DYNC1LI2: variants seen among roughly 807,000 people sequenced by gnomAD.
DYNC1LI2 encodes dynein cytoplasmic 1 light intermediate chain 2.
Under a neutral mutation model 57.8 loss-of-function variants are expected in DYNC1LI2, and 19 were observed. That is an observed-to-expected ratio of 0.33 (90% CI 0.23 to 0.48). The LOEUF (loss-of-function observed/expected upper bound fraction) is 0.48. Among genes scored for constraint, DYNC1LI2 ranks in the 20% least tolerant of loss-of-function variants. The pLI, the probability that DYNC1LI2 is intolerant of heterozygous loss-of-function variation, is 0.99. For missense variants in DYNC1LI2, 470 were observed against 604.2 expected (o/e 0.78, Z 2.33); for synonymous variants, 256 against 233.4 (o/e 1.10, Z -0.88).
intron 5 of DYNC1LI2, 140 bp downstream of exon 5, chr16:66,735,935 G>T: frequency 8.9e-7 from 1 of 1,121,104 alleles, no homozygotes; most frequent in South Asian, 1.8e-5. Flanking sequence ...TTTCTGTCTT[G>T]ACATATTCAA....
intron 6 of DYNC1LI2, 105 bp from the exon 7 acceptor site, chr16:66,732,579 A>C: frequency 1.6e-6 from 2 of 1,260,754 alleles, no homozygotes; most frequent in Non-Finnish European, 2.1e-6. Context: ...TTTGATCAAT[A>C]TATGAGCAAC....
intron 12 of DYNC1LI2, among the ~76,000 whole-genome samples, chr16:66,725,471 C>T (rs2017521462): frequency 6.6e-6 from 1 of 152,094 alleles, no homozygotes; most frequent in South Asian, 2.1e-4. Context: ...AGCAAAACTC[C>T]ACCTTGGAAA....
chr16:66,729,311 A>G (rs1257224574), intron 8 of DYNC1LI2, among the ~76,000 whole-genome samples: 1 of 152,190 alleles, frequency 6.6e-6, no homozygotes, highest in Non-Finnish European at 1.5e-5. Context: ...TAAGTCTGGC[A>G]GGTTCTAAAC....
At position 66,742,445 on chromosome 16, in the gene DYNC1LI2, T is replaced by C. The variant is rs1406900403; in HGVS notation, c.522A>G (p.Glu174=). ...AAATTATATTTTACTCACACTTCCG[T>C]TCCAGCTCCCTCATTTTTTCTGGTG... ...KIPPEKMREL[E]RKFVKDFQDY... The change falls in exon 4 of 13, where the codon GAA becomes GAG. Residue 174 remains glutamate (E), a synonymous_variant. Coordinates refer to ENST00000258198, the MANE Select transcript of DYNC1LI2 (RefSeq NM_006141.3). 5.0e-6 allele frequency: 8 copies of C among 1,613,706 alleles called. No homozygotes were observed. Among genetic ancestry groups the C allele is most frequent in the Middle Eastern group, 1.6e-4 (1 of 6,062 alleles).
Position 66,721,978 on chromosome 16 carries a change from C to T in DYNC1LI2, c.*1744G>A, listed in dbSNP as rs1488755172. On this transcript the variant is annotated 3_prime_UTR_variant, in exon 13 of 13. Transcript: ENST00000258198. ...TTCTACAGTCAGTTTACTGTCATTACCTAGACAACCTGGTAACTGGAAGCC... is the reference window on the plus strand; with the variant it reads ...TTCTACAGTCAGTTTACTGTCATTATCTAGACAACCTGGTAACTGGAAGCC... 6.6e-6 allele frequency: 1 copy of T among 152,334 alleles called. No individual in the cohort carries two copies. The highest frequency in any genetic ancestry group is 1.5e-5 in the Non-Finnish European group (1 of 68,038). 9.4% of individuals were successfully genotyped at this position (152,334 alleles called of 1,614,324 possible).
At chr16:66,745,882 T>G (rs891068598) in intron 3 of DYNC1LI2, among the ~76,000 whole-genome samples, 2 of 151,686 alleles carry the variant, frequency 1.3e-5, no homozygotes, top group East Asian at 3.9e-4. Flanking sequence ...CCAGCCTGGA[T>G]GACAGAGCCA....
intron 7 of DYNC1LI2, 58 bp from the exon 8 acceptor site, chr16:66,730,281 T>C (rs1440539450): frequency 4.1e-6 from 6 of 1,447,482 alleles, no homozygotes; most frequent in Non-Finnish European, 4.8e-6. Flanking sequence ...TAGAGCATAC[T>C]CAGATCACAT....
chr16:66,744,955 C>G (rs1304995367), intron 3 of DYNC1LI2, among the ~76,000 whole-genome samples: 1 of 152,048 alleles, frequency 6.6e-6, no homozygotes, highest in Non-Finnish European at 1.5e-5. Flanking sequence ...CTCTGTCACC[C>G]AGGTTGGAAT....
At chr16:66,732,591 GA>G (rs1449540315) in intron 6 of DYNC1LI2, 117 bp from the exon 7 acceptor site, 17 of 1,128,204 alleles carry the variant, frequency 1.5e-5, no homozygotes, top group Non-Finnish European at 1.9e-5. Flanking sequence ...ATGAGCAACA[GA>G]AAGCATTACA....
chr16:66,728,733 T>C (rs930787419), intron 9 of DYNC1LI2, among the ~76,000 whole-genome samples: 5 of 152,232 alleles, frequency 3.3e-5, no homozygotes, highest in African/African-American at 7.2e-5. Flanking sequence ...GTCAGGTTAC[T>C]TGGTTAACTG....
At chr16:66,737,109 CT>C (rs1226889236) in intron 4 of DYNC1LI2, among the ~76,000 whole-genome samples, 6 of 152,030 alleles carry the variant, frequency 3.9e-5, no homozygotes, top group African/African-American at 1.4e-4. Context: ...CCCATCTGTA[CT>C]AAAAATGCAA....
chr16:66,727,589 T>C, intron 11 of DYNC1LI2, 99 bp downstream of exon 11: 1 of 1,121,196 alleles, frequency 8.9e-7, no homozygotes, highest in Non-Finnish European at 1.3e-6. Context: ...CTGGCTTCCA[T>C]GAGTCTCCAC....
chr16:66,751,261 G>A lies in DYNC1LI2; in HGVS notation c.181+12C>T, dbSNP rs986869186. 3 of 1,609,594 alleles carry A rather than the reference G, an allele frequency of 1.9e-6. No homozygotes were observed. The highest frequency in any genetic ancestry group is 2.7e-5 in the African/African-American group (2 of 74,392). ...CAGCGACCTGGGGCAACGCCCCGCCGCCGGCGCTCACCGAAGACCAGGATG... is the reference window on the plus strand; with the variant it reads ...CAGCGACCTGGGGCAACGCCCCGCCACCGGCGCTCACCGAAGACCAGGATG... On this transcript the variant is annotated intron_variant, in intron 2 of 12. Coordinates refer to ENST00000258198, the MANE Select transcript of DYNC1LI2 (RefSeq NM_006141.3). The surrounding 1 kb of genome is among the most constrained non-coding windows in gnomAD (Gnocchi z 5.2).
chr16:66,731,794 A>C (rs1252581756), intron 7 of DYNC1LI2: 1 of 152,466 alleles, frequency 6.6e-6, no homozygotes, highest in Non-Finnish European at 1.5e-5. Flanking sequence ...ATATTTATGC[A>C]TCCAGCAACA....
rs1297800274 is a variant in DYNC1LI2, at chr16:66,730,237, G to C, written c.930-14C>G. 1 of 1,607,896 alleles carries C rather than the reference G, an allele frequency of 6.2e-7. No individual in the cohort carries two copies. Among genetic ancestry groups the C allele is most frequent in the Non-Finnish European group, 8.5e-7 (1 of 1,176,776 alleles). On this transcript the variant is annotated splice_polypyrimidine_tract_variant and intron_variant, in intron 7 of 12. Transcript: ENST00000258198. ...CAGCCTGCAGGTCTAAAGGCAAAGA[G>C]AGAGGGACTGAATTGCTTTTCCTGG...
intron 7 of DYNC1LI2, 115 bp downstream of exon 7, chr16:66,732,224 G>C (rs1254111853): frequency 7.7e-7 from 1 of 1,306,526 alleles, no homozygotes; most frequent in Non-Finnish European, 1.0e-6. Flanking sequence ...GGTGCAGTGA[G>C]AGAGCTGGCT....
rs377419163 is a variant in DYNC1LI2 at position 66,729,025 on chromosome 16, C to T, written c.1101+15G>A. On this transcript the variant is annotated intron_variant, in intron 9 of 12. Coordinates refer to ENST00000258198, the MANE Select transcript of DYNC1LI2 (RefSeq NM_006141.3). ...CATGAGAAGGCCTCTGTTCTAACCTCACTGGTCTTCTTACCTGTTGCTTCA... is the reference window on the plus strand; with the variant it reads ...CATGAGAAGGCCTCTGTTCTAACCTTACTGGTCTTCTTACCTGTTGCTTCA... The T allele has an allele frequency of 9.9e-6, 16 of 1,614,130 alleles. No individual in the cohort carries two copies. The highest frequency in any genetic ancestry group is 4.4e-5 in the South Asian group (4 of 91,078).
intron 3 of DYNC1LI2, among the ~76,000 whole-genome samples, chr16:66,748,424 A>G (rs769020203): frequency 9.9e-5 from 15 of 152,264 alleles, no homozygotes; most frequent in Admixed American, 2.0e-4. Context: ...TGTAATCCTT[A>G]TAAGAGTGTT....
chr16:66,727,429 G>C (rs773290110), intron 11 of DYNC1LI2, among the ~76,000 whole-genome samples: 3 of 152,172 alleles, frequency 2.0e-5, no homozygotes, highest in Non-Finnish European at 2.9e-5. Flanking sequence ...CTGAAGGAAT[G>C]AGCAGGGCCT....
Sources: allele counts gnomAD v4.1 joint callset (sites outside exome capture counted in the v4.1 genomes callset), GRCh38; gene constraint gnomAD v4.1.1; non-coding constraint Gnocchi (gnomAD v3.1); transcripts MANE v1.5; gene names NCBI Gene and HGNC (gene_info 2026-07-23, HGNC 2026-07-21).